The following TUB variants were observed in gnomAD, a reference collection of about 807,000 sequenced individuals.
TUB encodes the protein TUB bipartite transcription factor.
TUB carries 33 observed loss-of-function variants against 59.7 expected under a neutral mutation model. The observed-to-expected ratio is 0.55, with a 90% CI of 0.42 to 0.74. TUB has a LOEUF of 0.74. TUB is among the 30% of genes least tolerant of loss of function. TUB has a pLI of 0.00. For missense variants in TUB, 659 were observed against 672.0 expected (o/e 0.98, Z 0.21); for synonymous variants, 293 against 256.4 (o/e 1.14, Z -1.36).
intron 2 of TUB, among the ~76,000 whole-genome samples, chr11:8,047,406 G>C (rs1214401732): frequency 6.6e-6 from 1 of 152,318 alleles, no homozygotes; most frequent in East Asian, 1.9e-4. Context: ...TGATCTCTCT[G>C]AGGGTAAGAA....
intron 2 of TUB, chr11:8,061,942 C>G (rs1288406603): frequency 1.3e-5 from 2 of 152,702 alleles, no homozygotes; most frequent in Non-Finnish European, 2.9e-5. Flanking sequence ...AGAGACCCCA[C>G]CCCTGGAGTT....
At chr11:8,031,740 C>T (rs185081205) in intron 1 of TUB, among the ~76,000 whole-genome samples, 7 of 152,200 alleles carry the variant, frequency 4.6e-5, no homozygotes, top group Admixed American at 2.0e-4. Context: ...GCCGCACCTG[C>T]GAGGGGACAG....
rs374905053 is a variant in TUB, at chr11:8,039,646, A to G, written c.157A>G (p.Arg53Gly). ...GTCACCCCTTCTTTTCCTCCTCAGG[A>G]GAACAACCAGGAGGAAGTACTGGAA... The change falls in exon 2 of 13, where the codon AGA becomes GGA. Residue 53 changes from arginine to glycine, a missense_variant and splice_region_variant. Transcript: ENST00000305253. 1.4e-5 allele frequency: 21 copies of G among 1,510,834 alleles called. No homozygotes were observed. The East Asian group carries it at 5.1e-4, about 36-fold the overall frequency. 93.6% of individuals were successfully genotyped at this position (1,510,834 alleles called of 1,614,324 possible).
In TUB at chr11:8,103,519, GC is replaced by G. The variant is rs2133935457; in HGVS notation, c.*1901del. On this transcript the variant is annotated 3_prime_UTR_variant, in exon 12 of 12. Coordinates refer to ENST00000299506, the MANE Select transcript of TUB (RefSeq NM_177972.3). The stretch of plus-strand genomic sequence containing the variant: ...GATTTTCCTATGTTGAATGCTTAAA[GC>G]AAGGCATACCTGTCCTAGCAGGATC... 1 of 152,702 alleles carries G rather than the reference GC, an allele frequency of 6.5e-6. No homozygotes were observed. The highest frequency in any genetic ancestry group is 2.1e-4 in the South Asian group (1 of 4,820). 9.5% of individuals were successfully genotyped at this position (152,702 alleles called of 1,614,324 possible). A position where few individuals can be genotyped will look rare whatever the true frequency, so the allele number is the denominator to read the frequency against.
At chr11:8,036,848 A>G (rs1210582442), upstream of TUB, among the ~76,000 whole-genome samples, 1 of 152,162 alleles carries the variant, frequency 6.6e-6, no homozygotes, top group Non-Finnish European at 1.5e-5. Flanking sequence ...TTAAGGTAAG[A>G]ATGGACCTCC....
At chr11:8,029,874 G>A (rs1233921436) in intron 1 of TUB, among the ~76,000 whole-genome samples, 4 of 152,310 alleles carry the variant, frequency 2.6e-5, no homozygotes, top group Non-Finnish European at 4.4e-5. Flanking sequence ...CCAGAGGCAG[G>A]GGGCTGGAGG....
At chr11:8,029,393 T>C (rs1235150888) in intron 1 of TUB, among the ~76,000 whole-genome samples, 13 of 147,498 alleles carry the variant, frequency 8.8e-5, no homozygotes, top group Admixed American at 5.4e-4. Context: ...TCTTTCTTTT[T>C]TTTTTTTTTT....
intron 2 of TUB, among the ~76,000 whole-genome samples, chr11:8,071,424 GAC>G (rs1353036023): frequency 2.0e-5 from 3 of 152,126 alleles, no homozygotes; most frequent in Admixed American, 2.0e-4. Flanking sequence ...CTTATACACT[GAC>G]ACACTAAGGC....
chr11:8,044,122 G>T (rs74052191), intron 2 of TUB, among the ~76,000 whole-genome samples: 1 of 152,042 alleles, frequency 6.6e-6, no homozygotes, highest in Middle Eastern at 3.2e-3. Context: ...TGGGTATATG[G>T]TGTTCATTAA....
chr11:8,050,182 G>C (rs1250173947), intron 2 of TUB, among the ~76,000 whole-genome samples: 1 of 152,146 alleles, frequency 6.6e-6, no homozygotes, highest in African/African-American at 2.4e-5. Flanking sequence ...ATTTATTATT[G>C]CTGTATAGTA....
chr11:8,050,028 T>C (rs56657031), intron 2 of TUB, among the ~76,000 whole-genome samples: 33,863 of 152,078 alleles, frequency 0.22, 4,322 homozygotes, highest in African/African-American at 0.34. Flanking sequence ...GATCCCGACT[T>C]TTAACATCAT....
intron 1 of TUB, among the ~76,000 whole-genome samples, chr11:8,020,687 A>C (rs1473540131): frequency 6.6e-6 from 1 of 152,150 alleles, no homozygotes; most frequent in Non-Finnish European, 1.5e-5. Context: ...CCTTCCTTGC[A>C]CAGCCCCAGC....
rs541702062 is a variant in TUB at position 8,021,746 on chromosome 11, T to C, written c.56+2388T>C. ...CTGGCTAACACGGTGAAACCCCGTC[T>C]CTAATAAAAATACAAAAAAATTAGC... On this transcript the variant is annotated intron_variant, in intron 1 of 11. Coordinates refer to the TUB transcript ENST00000534099. Among the ~76,000 whole-genome samples, 5 of 151,478 alleles carry C rather than the reference T, an allele frequency of 3.3e-5. No individual in the cohort carries two copies. The East Asian group carries it at 7.9e-4, about 24-fold the overall frequency.
chr11:8,029,376 T>C (rs1564895877), intron 1 of TUB, among the ~76,000 whole-genome samples: 1 of 138,254 alleles, frequency 7.2e-6, no homozygotes, highest in African/African-American at 2.6e-5. Flanking sequence ...GTTCTTTTCT[T>C]TTTCTTTCTT....
At chr11:8,054,990 C>G (rs1321728829) in intron 2 of TUB, among the ~76,000 whole-genome samples, 1 of 152,168 alleles carries the variant, frequency 6.6e-6, no homozygotes, top group Non-Finnish European at 1.5e-5. Context: ...GTCACTCTGT[C>G]ATGACTAACC....
At chr11:8,050,030 T>A (rs1051069016) in intron 2 of TUB, among the ~76,000 whole-genome samples, 2 of 152,202 alleles carry the variant, frequency 1.3e-5, no homozygotes, top group African/African-American at 4.8e-5. Context: ...TCCCGACTTT[T>A]AACATCATAG....
At chr11:8,049,582 G>T (rs10839969) in intron 2 of TUB, among the ~76,000 whole-genome samples, 18,397 of 60,836 alleles carry the variant, frequency 0.3, 1,755 homozygotes, top group Non-Finnish European at 0.35. Flanking sequence ...TATATATATA[G>T]ATAGATAGAT....
At chr11:8,068,575 C>T (rs2133791372) in intron 2 of TUB, 1 of 152,798 alleles carries the variant, frequency 6.5e-6, no homozygotes, top group Non-Finnish European at 1.5e-5. Flanking sequence ...GCCGTCCACC[C>T]CAATGCTTTC....
chr11:8,019,973 C>T (rs1215435308), intron 1 of TUB, among the ~76,000 whole-genome samples: 1 of 152,188 alleles, frequency 6.6e-6, no homozygotes, highest in Non-Finnish European at 1.5e-5. Flanking sequence ...GAGCGGCTGC[C>T]GGCGTGGGCG....
Sources: gnomAD v4.1 joint callset for allele counts (sites outside exome capture counted in the v4.1 genomes callset) on GRCh38, gnomAD v4.1.1 for gene constraint, MANE v1.5 for transcripts, NCBI Gene and HGNC (gene_info 2026-07-23, HGNC 2026-07-21) for gene names.